Variants in AFDN observed in about 807,000 individuals in gnomAD.
AFDN encodes afadin.
Under a neutral mutation model 216.6 loss-of-function variants are expected in AFDN, and 68 were observed. That is an observed-to-expected ratio of 0.31 (90% CI 0.26 to 0.38). The LOEUF (loss-of-function observed/expected upper bound fraction) is 0.38, where lower values mean the gene tolerates loss of function less well. Among genes scored for constraint, AFDN ranks in the 10% least tolerant of loss-of-function variants. AFDN has a pLI of 1.00. For synonymous variants in AFDN, 868 were observed against 853.7 expected, an observed-to-expected ratio of 1.02 and a Z score of -0.29; for missense variants, 2,136 against 2,342.0, an observed-to-expected ratio of 0.91 and a Z score of 1.82.
intron 26 of AFDN, among the ~76,000 whole-genome samples, 171 bp from the exon 27 acceptor site, chr6:167,946,536 A>G (rs1795284078): frequency 2.0e-5 from 3 of 151,704 alleles, no homozygotes; most frequent in African/African-American, 7.3e-5. Context: ...AAGTAAAAAT[A>G]TTTTCTTTAT....
chr6:167,962,815 G>A lies in AFDN; in HGVS notation c.4968+248G>A, dbSNP rs1583068803. 1 of 1,347,636 alleles carries A rather than the reference G, an allele frequency of 7.4e-7. No homozygotes were observed. Among genetic ancestry groups the A allele is most frequent in the South Asian group, 1.9e-5 (1 of 53,076 alleles). The allele number at this position is 1,347,636 out of a possible 1,614,324, so 83.5% of individuals were successfully genotyped here. ...CTCCTTCAAACTTCTGAACTCTTGG[G>A]CGTGTGTAGCAGTGAGCCTCTTTGC... On this transcript the variant is annotated intron_variant, in intron 31 of 33. Coordinates refer to ENST00000683244, the MANE Select transcript of AFDN (RefSeq NM_001386888.1). This position sits in a 1 kb window ranked among gnomAD's most constrained non-coding sequence, Gnocchi z 5.2.
At position 167,902,305 on chromosome 6, in the gene AFDN, T is replaced by G; in HGVS notation, c.1581-12T>G. 2.5e-6 allele frequency: 4 copies of G among 1,603,190 alleles called. No individual in the cohort carries two copies. Among genetic ancestry groups the G allele is most frequent in the Non-Finnish European group, 3.4e-6 (4 of 1,170,506 alleles). On this transcript the variant is annotated splice_polypyrimidine_tract_variant and intron_variant, in intron 11 of 33. Transcript: ENST00000683244. Reference sequence around the variant, plus strand: ...TTATTAAGTCAGTGTGTTTCTTGTTTTATCCCATCAGAATTGTTCAGGAGA... The same window carrying G: ...TTATTAAGTCAGTGTGTTTCTTGTTGTATCCCATCAGAATTGTTCAGGAGA...
At chr6:167,875,081 A>G (rs995964122) in intron 4 of AFDN, among the ~76,000 whole-genome samples, 10 of 152,206 alleles carry the variant, frequency 6.6e-5, no homozygotes, top group Admixed American at 5.9e-4. Flanking sequence ...AGCATTATTC[A>G]TGAATAAACT....
At chr6:167,837,321 CAG>C (rs989920804) in intron 1 of AFDN, among the ~76,000 whole-genome samples, 1 of 150,068 alleles carries the variant, frequency 6.7e-6, no homozygotes, top group African/African-American at 2.5e-5. Flanking sequence ...AAAATACAAA[CAG>C]AAATGAAGGT....
chr6:167,902,479 G>A, intron 12 of AFDN, 93 bp downstream of exon 12: 1 of 905,836 alleles, frequency 1.1e-6, no homozygotes, highest in East Asian at 2.5e-5. Context: ...CCCCTTATTT[G>A]TGGGGGATGT....
chr6:167,935,735 A>C (rs548742032), intron 23 of AFDN, among the ~76,000 whole-genome samples: 1 of 152,206 alleles, frequency 6.6e-6, no homozygotes, highest in Non-Finnish European at 1.5e-5. Context: ...TTCTGGAGTT[A>C]TCTATAATAT....
chr6:167,840,821 A>G (rs1192853380), intron 1 of AFDN, among the ~76,000 whole-genome samples: 3 of 152,218 alleles, frequency 2.0e-5, no homozygotes, highest in Non-Finnish European at 4.4e-5. Flanking sequence ...ATGAAAGAAC[A>G]TGAGGAGGTT....
chr6:167,944,122 C>T, intron 26 of AFDN, 63 bp downstream of exon 26: 2 of 1,293,052 alleles, frequency 1.5e-6, no homozygotes, highest in African/African-American at 1.5e-5. Context: ...GGTCACAAAA[C>T]CCCCATGGAG....
chr6:167,844,177 A>T (rs1363494368), intron 1 of AFDN, among the ~76,000 whole-genome samples: 1 of 141,696 alleles, frequency 7.1e-6, no homozygotes, highest in African/African-American at 2.6e-5. Context: ...TCAAAAATGA[A>T]GTGTGTGTGT....
intron 2 of AFDN, among the ~76,000 whole-genome samples, chr6:167,867,876 C>A (rs974557860): frequency 6.6e-6 from 1 of 152,178 alleles, no homozygotes; most frequent in Non-Finnish European, 1.5e-5. Context: ...ATTATGGTGT[C>A]ATTTTTTATG....
chr6:167,827,826 C>T (rs912735356), intron 1 of AFDN: 1 of 152,204 alleles, frequency 6.6e-6, no homozygotes, highest in African/African-American at 2.4e-5. Flanking sequence ...TCTCCACCTT[C>T]GGGGCCGCGA....
At position 167,827,008 on chromosome 6, in the gene AFDN, GGCAGCC is replaced by G; in HGVS notation, c.-122_-117del. ...GACGCGGCGCGGCCGCGGAGGCGGA[GGCAGCC>G]GCGGAGGCGGAGGCGGCCGGCGGGG... On this transcript the variant is annotated 5_prime_UTR_variant, in exon 1 of 34. Coordinates refer to ENST00000683244, the MANE Select transcript of AFDN (RefSeq NM_001386888.1). 4.3e-6 allele frequency: 1 copy of G among 230,112 alleles called. No homozygotes were observed. The allele number at this position is 230,112 out of a possible 1,614,324, so 14.3% of individuals were successfully genotyped here. A position where few individuals can be genotyped will look rare whatever the true frequency, so the allele number is the denominator to read the frequency against.
intron 15 of AFDN, chr6:167,912,238 AGAT>A (rs1410945168): frequency 6.6e-6 from 1 of 152,248 alleles, no homozygotes; most frequent in African/African-American, 2.4e-5. Context: ...TTTCATCTAC[AGAT>A]GATTTGAAGA....
At chr6:167,867,145 CTCT>C (rs1444395691) in intron 2 of AFDN, among the ~76,000 whole-genome samples, 1 of 152,212 alleles carries the variant, frequency 6.6e-6, no homozygotes, top group East Asian at 1.9e-4. Context: ...TATCTCAGCC[CTCT>C]TCTTGCTTTA....
chr6:167,862,310 A>G (rs1783674620), intron 1 of AFDN, among the ~76,000 whole-genome samples: 1 of 152,104 alleles, frequency 6.6e-6, no homozygotes, highest in African/African-American at 2.4e-5. Flanking sequence ...CCTGTCATTA[A>G]TATTACCTAA....
chr6:167,874,338 G>C (rs1304293711), intron 4 of AFDN, among the ~76,000 whole-genome samples: 1 of 152,054 alleles, frequency 6.6e-6, no homozygotes, highest in Non-Finnish European at 1.5e-5. Context: ...TGTTCAACTT[G>C]ATTAAAAGCT....
chr6:167,875,373 T>C lies in AFDN; in HGVS notation c.617T>C (p.Met206Thr). 1 of 1,613,808 alleles carries C rather than the reference T, an allele frequency of 6.2e-7. No homozygotes were observed. The highest frequency in any genetic ancestry group is 8.5e-7 in the Non-Finnish European group (1 of 1,179,856). ...CTGGCTGCTGAGGTTTACAAAGACA[T>C]GCCGGAAACCAGCTTTACTCGAACC... is the stretch of plus-strand genomic sequence containing the variant. ...SRLAAEVYKD[M>T]PETSFTRTIS... The change falls in exon 5 of 34, where the codon ATG becomes ACG. Residue 206 changes from methionine to threonine, a missense_variant. Transcript: ENST00000683244.
intron 3 of AFDN, among the ~76,000 whole-genome samples, chr6:167,870,759 C>G (rs531057867): frequency 4.6e-5 from 7 of 152,160 alleles, no homozygotes; most frequent in African/African-American, 1.7e-4. Flanking sequence ...ATTTAATGAT[C>G]AGGTGATCAG....
chr6:167,915,275 A>T lies in AFDN; in HGVS notation c.2407A>T (p.Met803Leu). The T allele has an allele frequency of 6.2e-7, 1 of 1,614,174 alleles. No homozygotes were observed. Among genetic ancestry groups the T allele is most frequent in the Non-Finnish European group, 8.5e-7 (1 of 1,180,024 alleles). The change falls in exon 19 of 34, where the codon ATG becomes TTG. Residue 803 changes from methionine (M) to leucine (L), a missense_variant. Met to Leu is a conservative substitution (Grantham distance 15). Around this residue, in one of 8 missense-constraint regions of AFDN, gnomAD observed 817 missense variants for 965.7 expected, o/e 0.85. Transcript: ENST00000683244. ...LFSQLFHFIN[M>L]WLFNRLVTDP... The stretch of plus-strand genomic sequence containing the variant: ...CTCTCAGCTCTTCCACTTCATCAAT[A>T]TGTGGCTGTTCAATAGATTGGTGAC...
Sources: allele counts gnomAD v4.1 joint callset (sites outside exome capture counted in the v4.1 genomes callset), GRCh38; gene constraint gnomAD v4.1.1; regional missense constraint gnomAD v4.1.1; non-coding constraint Gnocchi (gnomAD v3.1); transcripts MANE v1.5; gene names NCBI Gene and HGNC (gene_info 2026-07-23, HGNC 2026-07-21).